Variants in POLR3B observed in about 807,000 individuals in gnomAD.
POLR3B encodes DNA-directed RNA polymerase III subunit RPC2.
A neutral mutation model predicts 147.4 loss-of-function variants in POLR3B; 96 were observed. The observed-to-expected ratio is 0.65, with a 90% CI of 0.55 to 0.77. POLR3B has a LOEUF of 0.77. Among genes scored for constraint, POLR3B ranks in the 30% least tolerant of loss-of-function variants. POLR3B has a pLI of 0.00. For synonymous variants in POLR3B, 461 were observed against 485.9 expected, an observed-to-expected ratio of 0.95 and a Z score of 0.67; for missense variants, 1,036 against 1,413.5, an observed-to-expected ratio of 0.73 and a Z score of 4.28.
Position 106,380,615 on chromosome 12 carries a change from G to A in POLR3B, c.723+476G>A, listed in dbSNP as rs566321655. Among the ~76,000 whole-genome samples, 5 of 152,144 alleles carry A rather than the reference G, an allele frequency of 3.3e-5. No homozygotes were observed. The East Asian group carries it at 5.8e-4, about 18-fold the overall frequency. Reference sequence around the variant, plus strand: ...AATAAAAACATTAGCCAAGCGTGGTGGCATGTGCCTATAGTTTCAGCTATT... The same window carrying A: ...AATAAAAACATTAGCCAAGCGTGGTAGCATGTGCCTATAGTTTCAGCTATT... On this transcript the variant is annotated intron_variant, in intron 9 of 27. Transcript: ENST00000228347.
chr12:106,431,161 TACA>T (rs1321384116), intron 14 of POLR3B, among the ~76,000 whole-genome samples: 3 of 152,290 alleles, frequency 2.0e-5, no homozygotes, highest in East Asian at 3.9e-4. Context: ...AATTAATAAT[TACA>T]ACAAGTAAAA....
intron 10 of POLR3B, among the ~76,000 whole-genome samples, chr12:106,394,375 G>T (rs1351577858): frequency 6.6e-6 from 1 of 152,154 alleles, no homozygotes; most frequent in African/African-American, 2.4e-5. Context: ...AATCTTTGTT[G>T]TACACTAAAG....
intron 12 of POLR3B, among the ~76,000 whole-genome samples, chr12:106,419,857 T>G (rs117715060): frequency 6.7e-6 from 1 of 148,564 alleles, no homozygotes; most frequent in Non-Finnish European, 1.5e-5. Context: ...TGTGTTACTC[T>G]GTTACATGCT....
intron 21 of POLR3B, among the ~76,000 whole-genome samples, chr12:106,458,242 C>T (rs1055756398): frequency 5.9e-5 from 9 of 152,096 alleles, no homozygotes; most frequent in African/African-American, 2.2e-4. Flanking sequence ...CCACTTCAAC[C>T]TCCTGTATAG....
intron 10 of POLR3B, among the ~76,000 whole-genome samples, chr12:106,405,452 A>G (rs1355274911): frequency 6.6e-6 from 1 of 150,814 alleles, no homozygotes; most frequent in Non-Finnish European, 1.5e-5. Context: ...CTTACATGGT[A>G]TGATTCATTT....
In POLR3B at chr12:106,432,568, A is replaced by G. The variant is rs751516414; in HGVS notation, c.1627+88A>G. On this transcript the variant is annotated intron_variant, in intron 15 of 27. Transcript: ENST00000228347. ...TATTATCCTGGTATTTAAAGCACAG[A>G]TAGACTTTAATTCTGGGCCCAGGTT... The G allele has an allele frequency of 5.6e-6, 6 of 1,079,070 alleles. No homozygotes were observed. The South Asian group carries it at 6.3e-5, about 11-fold the overall frequency. The allele number at this position is 1,079,070 out of a possible 1,614,324, so 66.8% of individuals were successfully genotyped here. A position where few individuals can be genotyped will look rare whatever the true frequency, so the allele number is the denominator to read the frequency against.
intron 20 of POLR3B, among the ~76,000 whole-genome samples, chr12:106,456,422 G>A (rs2037863395): frequency 6.6e-6 from 1 of 151,962 alleles, no homozygotes; most frequent in African/African-American, 2.4e-5. Context: ...CTAGATAAAT[G>A]CAATCTAAAA....
chr12:106,470,825 TG>T (rs2038080728), intron 23 of POLR3B, among the ~76,000 whole-genome samples: 1 of 152,132 alleles, frequency 6.6e-6, no homozygotes, highest in Non-Finnish European at 1.5e-5. Flanking sequence ...ATCCTTCCTC[TG>T]GAAGCTTCGT....
chr12:106,409,023 TAAA>T (rs2037186096), intron 11 of POLR3B, among the ~76,000 whole-genome samples: 1 of 152,170 alleles, frequency 6.6e-6, no homozygotes, highest in African/African-American at 2.4e-5. Flanking sequence ...TTTCTACTTA[TAAA>T]TGTCTTGGGA....
chr12:106,481,640 A>T (rs1018816612), intron 23 of POLR3B, among the ~76,000 whole-genome samples: 3 of 152,182 alleles, frequency 2.0e-5, no homozygotes, highest in African/African-American at 7.2e-5. Flanking sequence ...TCTCATGCCC[A>T]CTGATACCAC....
intron 18 of POLR3B, among the ~76,000 whole-genome samples, chr12:106,439,562 A>G (rs1447054932): frequency 6.7e-6 from 1 of 149,790 alleles, no homozygotes; most frequent in East Asian, 2.0e-4. Flanking sequence ...AGAGGATTGC[A>G]TGAGTCCAGG....
chr12:106,501,790 T>C (rs1592781397), intron 26 of POLR3B, among the ~76,000 whole-genome samples: 1 of 152,316 alleles, frequency 6.6e-6, no homozygotes, highest in South Asian at 2.1e-4. Context: ...CATGTACCCA[T>C]GTGCACACAG....
chr12:106,484,430 G>T (rs1226642287), intron 23 of POLR3B, among the ~76,000 whole-genome samples: 1 of 152,062 alleles, frequency 6.6e-6, no homozygotes, highest in African/African-American at 2.4e-5. Context: ...GACTGATGGG[G>T]TCTCTGTTCT....
At chr12:106,360,206 C>T (rs4964175) in intron 1 of POLR3B, among the ~76,000 whole-genome samples, 33,214 of 152,140 alleles carry the variant, frequency 0.22, 4,165 homozygotes, top group Middle Eastern at 0.3. Flanking sequence ...CAGAGCTGTC[C>T]GTTTAAACAC....
intron 14 of POLR3B, 25 bp from the exon 15 acceptor site, chr12:106,432,293 G>T: frequency 6.2e-7 from 1 of 1,607,144 alleles, no homozygotes; most frequent in East Asian, 2.2e-5. Context: ...TTCATTCTTA[G>T]AAATGACCAT....
chr12:106,496,219 T>C (rs771607096), intron 24 of POLR3B, 61 bp downstream of exon 24: 1 of 1,013,220 alleles, frequency 9.9e-7, no homozygotes, highest in Non-Finnish European at 1.6e-6. Context: ...GCAGTTAGTT[T>C]AGTTAGAGTG....
chr12:106,430,543 G>A, intron 14 of POLR3B, 70 bp downstream of exon 14: 1 of 1,259,096 alleles, frequency 7.9e-7, no homozygotes, highest in Non-Finnish European at 1.2e-6. Flanking sequence ...GGTGGGGTGG[G>A]GAGGTCTGCT....
intron 6 of POLR3B, among the ~76,000 whole-genome samples, chr12:106,372,952 A>G (rs1455834448): frequency 6.6e-6 from 1 of 152,198 alleles, no homozygotes; most frequent in Non-Finnish European, 1.5e-5. Context: ...AACGTGAGTT[A>G]TTTAGAAGAC....
At position 106,410,916 on chromosome 12, in the gene POLR3B, G is replaced by GA; in HGVS notation, c.1058dup (p.Asp353GlufsTer7). ...GGCCCAAGGAGATAATAAAGTTGAC[G>GA]ACAGAGATTATTATGGTAACAAGCG... is the stretch of plus-strand genomic sequence containing the variant. On this transcript the variant is annotated frameshift_variant, in exon 12 of 28. Coordinates refer to ENST00000228347, the MANE Select transcript of POLR3B (RefSeq NM_018082.6). LOFTEE classifies it high-confidence loss of function. 6.2e-7 allele frequency: 1 copy of GA among 1,613,440 alleles called. No individual in the cohort carries two copies. Among genetic ancestry groups the GA allele is most frequent in the Non-Finnish European group, 8.5e-7 (1 of 1,179,428 alleles).
Sources: gnomAD v4.1 joint callset for allele counts (sites outside exome capture counted in the v4.1 genomes callset) on GRCh38, gnomAD v4.1.1 for gene constraint, MANE v1.5 for transcripts, NCBI Gene and HGNC (gene_info 2026-07-23, HGNC 2026-07-21) for gene names.